ERBB4: variants seen among roughly 807,000 people sequenced by gnomAD.
ERBB4 encodes the protein erb-b2 receptor tyrosine kinase 4.
Under a neutral mutation model 158.0 loss-of-function variants are expected in ERBB4, and 42 were observed. The observed-to-expected ratio is 0.27, with a 90% confidence interval of 0.21 to 0.34. The LOEUF is 0.34. Among genes scored for constraint, ERBB4 ranks in the 10% least tolerant of loss-of-function variants. The pLI is 1.00. For synonymous variants in ERBB4, 583 were observed against 558.7 expected (o/e 1.04, Z -0.61); for missense variants, 1,333 against 1,624.1 (o/e 0.82, Z 3.08).
intron 20 of ERBB4, among the ~76,000 whole-genome samples, chr2:211,452,381 T>C (rs2064269032): frequency 6.6e-6 from 1 of 152,134 alleles, no homozygotes; most frequent in Non-Finnish European, 1.5e-5. Flanking sequence ...TTTCACCATG[T>C]TGGACAGGCT....
intron 1 of ERBB4, among the ~76,000 whole-genome samples, chr2:212,181,729 A>G (rs2125691646): frequency 6.6e-6 from 1 of 151,876 alleles, no homozygotes; most frequent in East Asian, 1.9e-4. Flanking sequence ...ATAAACTAGG[A>G]GAGGGTTTTA....
At chr2:212,374,294 T>G (rs1251737445) in intron 1 of ERBB4, among the ~76,000 whole-genome samples, 1 of 151,510 alleles carries the variant, frequency 6.6e-6, no homozygotes, top group African/African-American at 2.4e-5. Flanking sequence ...TATTTTGACT[T>G]TGAAGGAAGT....
chr2:211,664,473 A>G (rs899291409), intron 15 of ERBB4, among the ~76,000 whole-genome samples: 4 of 152,116 alleles, frequency 2.6e-5, no homozygotes, highest in African/African-American at 9.7e-5. Flanking sequence ...ACTGCTTTCA[A>G]TTACAAATTA....
At chr2:212,030,868 C>T (rs564245963) in intron 2 of ERBB4, among the ~76,000 whole-genome samples, 6 of 152,164 alleles carry the variant, frequency 3.9e-5, no homozygotes, top group African/African-American at 1.2e-4. Flanking sequence ...TTGAGCCAGC[C>T]GTCATGGTAT....
intron 5 of ERBB4, among the ~76,000 whole-genome samples, chr2:211,729,431 T>C (rs2074364794): frequency 6.6e-6 from 1 of 151,768 alleles, no homozygotes. Flanking sequence ...CATGAAGCAT[T>C]TGGACACATA....
In ERBB4 at chr2:211,560,023, G is replaced by A. The variant is rs1026643229; in HGVS notation, c.2487+1880C>T. On this transcript the variant is annotated intron_variant, in intron 20 of 27. Coordinates refer to ENST00000342788, the MANE Select transcript of ERBB4 (RefSeq NM_005235.3). ...GGATGCCCAAACAGGCTTGATGGAT[G>A]AATAAGATCATGCAGCATGAACCAA... Among the ~76,000 whole-genome samples the A allele has an allele frequency of 7.9e-5, 12 of 152,278 alleles. No individual in the cohort carries two copies. In the East Asian group the frequency reaches 2.3e-3, roughly 29 times the overall value.
At position 212,300,771 on chromosome 2, in the gene ERBB4, G is replaced by A. The variant is rs912728893; in HGVS notation, c.83-175868C>T. On this transcript the variant is annotated intron_variant, in intron 1 of 27. Coordinates refer to ENST00000342788, the MANE Select transcript of ERBB4 (RefSeq NM_005235.3). ...TTAACAATGGACTAAGAGAACCTGC[G>A]TTCGAATCTTAATGTTTTTGACTCT... Among the ~76,000 whole-genome samples, 4 of 151,330 alleles carry A rather than the reference G, an allele frequency of 2.6e-5. No homozygotes were observed. The East Asian group carries it at 7.8e-4, about 29-fold the overall frequency.
intron 3 of ERBB4, among the ~76,000 whole-genome samples, chr2:211,853,184 G>C (rs1045566548): frequency 5.3e-4 from 81 of 151,970 alleles, no homozygotes; most frequent in African/African-American, 1.9e-3. Flanking sequence ...GCTGGAAATA[G>C]AGATCAGATT....
chr2:211,976,604 C>T (rs964239636), intron 2 of ERBB4, among the ~76,000 whole-genome samples: 3 of 152,048 alleles, frequency 2.0e-5, no homozygotes, highest in African/African-American at 7.2e-5. Context: ...ATTAAATCTG[C>T]TTCAATGATA....
chr2:212,137,461 G>C (rs75849579), intron 1 of ERBB4, among the ~76,000 whole-genome samples: 11,517 of 152,112 alleles, frequency 0.076, 866 homozygotes, highest in African/African-American at 0.19. Flanking sequence ...GTATGCTAGG[G>C]ATAACGGTCT....
At chr2:211,592,344 C>T (rs1162168721) in intron 19 of ERBB4, among the ~76,000 whole-genome samples, 3 of 152,036 alleles carry the variant, frequency 2.0e-5, no homozygotes, top group South Asian at 2.1e-4. Flanking sequence ...AGAGCCAAGA[C>T]GGAGTCTGTC....
chr2:211,885,603 C>G (rs2078778864), intron 3 of ERBB4, among the ~76,000 whole-genome samples: 1 of 151,918 alleles, frequency 6.6e-6, no homozygotes, highest in African/African-American at 2.4e-5. Flanking sequence ...TTAGAGTCAC[C>G]CACTACCACC....
At chr2:211,982,659 G>C (rs1438874444) in intron 2 of ERBB4, among the ~76,000 whole-genome samples, 1 of 152,290 alleles carries the variant, frequency 6.6e-6, no homozygotes, top group East Asian at 1.9e-4. Flanking sequence ...TCCTAGAGGA[G>C]CCTTCAGGTT....
At chr2:212,535,786 T>A (rs1693020180) in intron 1 of ERBB4, among the ~76,000 whole-genome samples, 2 of 152,252 alleles carry the variant, frequency 1.3e-5, no homozygotes, top group Middle Eastern at 3.4e-3. Context: ...AATGCTGAAT[T>A]TTTTTCCAAG....
At chr2:211,582,993 G>C (rs12694244) in intron 19 of ERBB4, among the ~76,000 whole-genome samples, 1 of 151,858 alleles carries the variant, frequency 6.6e-6, no homozygotes, top group Non-Finnish European at 1.5e-5. Context: ...TTTAACATTA[G>C]GGCATTTTTG....
intron 2 of ERBB4, among the ~76,000 whole-genome samples, chr2:212,031,817 G>A (rs1425358244): frequency 6.6e-6 from 1 of 152,022 alleles, no homozygotes; most frequent in Non-Finnish European, 1.5e-5. Flanking sequence ...GTCATTTTCT[G>A]ACACTTTATA....
At chr2:212,056,423 G>A (rs1472754006) in intron 2 of ERBB4, among the ~76,000 whole-genome samples, 2 of 152,108 alleles carry the variant, frequency 1.3e-5, no homozygotes, top group Non-Finnish European at 1.5e-5. Context: ...AGGAAATAGA[G>A]AGAACACCAC....
intron 22 of ERBB4, among the ~76,000 whole-genome samples, chr2:211,425,957 T>G (rs1203639726): frequency 2.0e-5 from 3 of 152,116 alleles, no homozygotes; most frequent in Non-Finnish European, 4.4e-5. Flanking sequence ...ATGCTAGGAT[T>G]ACAAGCACGA....
intron 3 of ERBB4, among the ~76,000 whole-genome samples, chr2:211,843,002 A>G (rs1005048265): frequency 6.6e-6 from 1 of 152,132 alleles, no homozygotes; most frequent in African/African-American, 2.4e-5. Flanking sequence ...AAATCATTCA[A>G]TGGAATAGTT....
Sources: gnomAD v4.1 joint callset for allele counts (sites outside exome capture counted in the v4.1 genomes callset) on GRCh38, gnomAD v4.1.1 for gene constraint, MANE v1.5 for transcripts, NCBI Gene and HGNC (gene_info 2026-07-23, HGNC 2026-07-21) for gene names.